DNAH3: variants seen among roughly 807,000 people sequenced by gnomAD.
DNAH3 encodes the protein axonemal beta dynein heavy chain 3.
In DNAH3, 332 loss-of-function variants were observed where a neutral mutation model predicts 432.5. The observed-to-expected ratio is 0.77, with a 90% CI of 0.70 to 0.84. DNAH3 has a LOEUF of 0.84. Among genes scored for constraint, DNAH3 ranks in the 40% least tolerant of loss-of-function variants. The probability of loss-of-function intolerance (pLI) is 0.00; values close to 1 mark genes in which losing one functional copy is unlikely to be tolerated. For missense variants in DNAH3, 4,861 were observed against 5,114.0 expected (o/e 0.95, Z 1.51); for synonymous variants, 1,956 against 1,900.2 (o/e 1.03, Z -0.76).
chr16:20,978,301 A>G (rs4783375), intron 50 of DNAH3, among the ~76,000 whole-genome samples: 76,918 of 151,922 alleles, frequency 0.51, 19,781 homozygotes, highest in South Asian at 0.61. Flanking sequence ...GGCCGAGGTG[A>G]GCAGATCACC....
At chr16:21,031,071 T>C (rs1317974140) in exon 37 of DNAH3, 1 of 1,614,184 alleles carries the variant, frequency 6.2e-7, no homozygotes, top group African/African-American at 1.3e-5. Context: ...AGAACAGTGT[T>C]CATATTTTCA....
At position 21,106,338 on chromosome 16, in the gene DNAH3, T is replaced by A. The variant is rs376441877; in HGVS notation, c.2284+152A>T. 8.9e-5 allele frequency: 56 copies of A among 632,634 alleles called. 2 individuals carry two copies. In the South Asian group the frequency reaches 2.6e-3, roughly 29 times the overall value. 39.2% of individuals were successfully genotyped at this position (632,634 alleles called of 1,614,324 possible). A position where few individuals can be genotyped will look rare whatever the true frequency, so the allele number is the denominator to read the frequency against. ...GCACTTGAAAGGCAGCTCTTTTATATTTAGTGGTAGAATTCATATAACTAT... is the reference window on the plus strand; with the variant it reads ...GCACTTGAAAGGCAGCTCTTTTATAATTAGTGGTAGAATTCATATAACTAT... On this transcript the variant is annotated intron_variant, in intron 15 of 61. Coordinates refer to ENST00000261383, the Ensembl canonical transcript of DNAH3.
chr16:21,069,665 A>C, intron 22 of DNAH3, 71 bp from the exon 23 acceptor site: 1 of 1,304,548 alleles, frequency 7.7e-7, no homozygotes. Context: ...GGAGAGAGCA[A>C]ATGGATGGAG....
intron 3 of DNAH3, among the ~76,000 whole-genome samples, 162 bp from the exon 5 acceptor site, chr16:21,141,534 T>C (rs1483253032): frequency 6.6e-6 from 1 of 152,210 alleles, no homozygotes; most frequent in Non-Finnish European, 1.5e-5. Context: ...CTCATGTGCA[T>C]CACTGATTAC....
exon 21 of DNAH3, chr16:21,075,481 T>G: frequency 6.2e-7 from 1 of 1,614,114 alleles, no homozygotes; most frequent in Non-Finnish European, 8.5e-7. Flanking sequence ...GAACGTCACG[T>G]TAACCCAATC....
At chr16:20,944,595 G>A (rs776613491) in exon 58 of DNAH3, 27 of 1,613,974 alleles carry the variant, frequency 1.7e-5, no homozygotes, top group African/African-American at 2.7e-5. Context: ...TGATGTCTGC[G>A]TTCTCATGGA....
chr16:21,060,487 T>C lies in DNAH3; in HGVS notation c.3721-131A>G. 4.7e-6 allele frequency: 3 copies of C among 636,196 alleles called. No homozygotes were observed. In the East Asian group the frequency reaches 8.3e-5, roughly 18 times the overall value. The allele number at this position is 636,196 out of a possible 1,614,324, so 39.4% of individuals were successfully genotyped here. A position where few individuals can be genotyped will look rare whatever the true frequency, so the allele number is the denominator to read the frequency against. On this transcript the variant is annotated intron_variant, in intron 25 of 61. Transcript: ENST00000261383. ...AAGGCTTGGCACCTTTTCAAGTCAA[T>C]ATTCTCTGTCTCCCCGTTCTTTTTT...
intron 7 of DNAH3, among the ~76,000 whole-genome samples, chr16:21,131,370 GAGGAAGGA>G (rs200848913): frequency 4.0e-5 from 6 of 150,024 alleles, no homozygotes; most frequent in African/African-American, 1.5e-4. Flanking sequence ...CAGGGTCACA[GAGGAAGGA>G]AGGAAGGAAG....
rs765738562 is a variant in DNAH3, at chr16:20,985,706, G to A, written c.7036C>T (p.His2346Tyr). 7 of 1,612,502 alleles carry A rather than the reference G, an allele frequency of 4.3e-6. No individual in the cohort carries two copies. In the East Asian group the frequency reaches 1.6e-4, roughly 36 times the overall value. The stretch of plus-strand genomic sequence containing the variant: ...ACTATCTTTCCAGTGGGTGACAAGT[G>A]GATAAGCACCTGTAAGAAAAGTAAA... The change falls in exon 48 of 62, where the codon CAC becomes TAC. Residue 2346 changes from histidine to tyrosine, a missense_variant. His to Tyr is a moderately conservative substitution (Grantham distance 83, BLOSUM62 2). Transcript: ENST00000261383.
At chr16:21,147,601 CAT>C (rs1203699648) in intron 1 of DNAH3, among the ~76,000 whole-genome samples, 1 of 152,214 alleles carries the variant, frequency 6.6e-6, no homozygotes, top group African/African-American at 2.4e-5. Context: ...TTAACACACA[CAT>C]AAGCAACTCT....
At position 21,119,683 on chromosome 16, in the gene DNAH3, G is replaced by A. The variant is rs1303126935; in HGVS notation, c.1699+1057C>T. Among the ~76,000 whole-genome samples the A allele has an allele frequency of 6.0e-5, 9 of 150,676 alleles. No individual in the cohort carries two copies. In the South Asian group the frequency reaches 1.5e-3, roughly 25 times the overall value. ...GCAATCTAGGCTCACTGTAACCTCC[G>A]CCTCCTGGGTTCAAGTGATTCTCCT... On this transcript the variant is annotated intron_variant, in intron 11 of 61. Coordinates refer to ENST00000261383, the Ensembl canonical transcript of DNAH3.
chr16:20,963,680 C>G (rs765445250), exon 53 of DNAH3: 2 of 1,613,950 alleles, frequency 1.2e-6, no homozygotes, highest in East Asian at 4.5e-5. Context: ...TTATCCAGTG[C>G]GATGCCTCCA....
rs1189294058 is a variant in DNAH3 at position 21,150,380 on chromosome 16, G to A, written c.118-4292C>T. On this transcript the variant is annotated intron_variant, in intron 1 of 61. Transcript: ENST00000261383. ...GAATAAAGAGCTTTCAGCTTCTCCAGGGATGTGCCTCTCCTATCCAGTTGG... is the reference window on the plus strand; with the variant it reads ...GAATAAAGAGCTTTCAGCTTCTCCAAGGATGTGCCTCTCCTATCCAGTTGG... The A allele has an allele frequency of 2.3e-5, 10 of 441,248 alleles. No homozygotes were observed. In the East Asian group the frequency reaches 7.0e-4, roughly 31 times the overall value. The allele number at this position is 441,248 out of a possible 1,614,324, so 27.3% of individuals were successfully genotyped here. A position where few individuals can be genotyped will look rare whatever the true frequency, so the allele number is the denominator to read the frequency against.
chr16:20,934,135 T>C (rs1463330228), intron 61 of DNAH3, among the ~76,000 whole-genome samples: 1 of 152,220 alleles, frequency 6.6e-6, no homozygotes, highest in Non-Finnish European at 1.5e-5. Flanking sequence ...GTGGGGATTA[T>C]GGTGAACCAG....
intron 57 of DNAH3, among the ~76,000 whole-genome samples, chr16:20,946,644 G>T (rs1304707002): frequency 6.6e-6 from 1 of 151,998 alleles, no homozygotes; most frequent in Non-Finnish European, 1.5e-5. Context: ...TTTCATCCAT[G>T]GTTCCTGGCT....
At chr16:20,992,630 G>A (rs530589655) in intron 44 of DNAH3, among the ~76,000 whole-genome samples, 17 of 152,264 alleles carry the variant, frequency 1.1e-4, no homozygotes, top group East Asian at 1.9e-4. Flanking sequence ...GTGAGCCACC[G>A]CTCCTGGCCT....
At chr16:20,959,087 G>A (rs2084696115) in intron 54 of DNAH3, 92 bp downstream of exon 54, 1 of 1,345,668 alleles carries the variant, frequency 7.4e-7, no homozygotes, top group Non-Finnish European at 1.1e-6. Context: ...AGTTTCTAAG[G>A]GGCAGGACTG....
At chr16:21,020,348 G>GTGTGTGTGTGTGTGTATATATATATA in intron 40 of DNAH3, among the ~76,000 whole-genome samples, 12 of 69,154 alleles carry the variant, frequency 1.7e-4, no homozygotes, top group African/African-American at 7.0e-4. Flanking sequence ...TATAGTGTGT[G>GTGTGTGTGTGTGTGTATATATATATA]TATATATATA....
intron 7 of DNAH3, chr16:21,130,210 T>C (rs1343385957): frequency 6.6e-6 from 1 of 151,910 alleles, no homozygotes; most frequent in Admixed American, 6.6e-5. Flanking sequence ...CCTAGAACTA[T>C]TGATGCTAGA....
Sources: gnomAD v4.1 joint callset for allele counts (sites outside exome capture counted in the v4.1 genomes callset) on GRCh38, gnomAD v4.1.1 for gene constraint, MANE v1.5 for transcripts, NCBI Gene and HGNC (gene_info 2026-07-23, HGNC 2026-07-21) for gene names.